The following FER1L6 variants were observed in gnomAD, a reference collection of about 807,000 sequenced individuals.
The protein encoded by FER1L6 is fer-1 like family member 6, also known as fer-1-like protein 6.
Under a neutral mutation model 219.2 loss-of-function variants are expected in FER1L6, and 177 were observed. That is an observed-to-expected ratio of 0.81 (90% CI 0.71 to 0.91). The LOEUF (loss-of-function observed/expected upper bound fraction) is 0.91. Among genes scored for constraint, FER1L6 ranks in the 40% least tolerant of loss-of-function variants. The pLI, the probability that FER1L6 is intolerant of heterozygous loss-of-function variation, is 0.00. For synonymous variants in FER1L6, 768 were observed against 824.3 expected, an observed-to-expected ratio of 0.93 and a Z score of 1.17; for missense variants, 2,153 against 2,259.9, an observed-to-expected ratio of 0.95 and a Z score of 0.96.
intron 24 of FER1L6, among the ~76,000 whole-genome samples, chr8:124,061,185 A>C (rs1820550904): frequency 6.6e-6 from 1 of 152,224 alleles, no homozygotes; most frequent in Non-Finnish European, 1.5e-5. Context: ...TGTACTTAGA[A>C]TGTCAGGAGT....
At position 124,064,436 on chromosome 8, in the gene FER1L6, G is replaced by A. The variant is rs768766486; in HGVS notation, c.3418G>A (p.Glu1140Lys). 5.6e-6 allele frequency: 9 copies of A among 1,613,944 alleles called. No individual in the cohort carries two copies. The highest frequency in any genetic ancestry group is 1.7e-4 in the Middle Eastern group (1 of 6,060). Residue 1140 changes from glutamate to lysine, a missense_variant, in exon 26 of 41, where the codon GAG becomes AAG. Transcript: ENST00000522917. ...PPADHIYVDVEPPPTVVPDSA... is the reference protein window; with the variant it reads ...PPADHIYVDVKPPPTVVPDSA... ...AGCAGATCACATTTATGTGGATGTT[G>A]AGCCACCTCCCACAGTGGTGCCCGA... is the stretch of plus-strand genomic sequence containing the variant.
At chr8:123,912,137 C>T (rs889186653) in intron 1 of FER1L6, among the ~76,000 whole-genome samples, 1 of 152,138 alleles carries the variant, frequency 6.6e-6, no homozygotes, top group Admixed American at 6.5e-5. Flanking sequence ...AGTATGCTCA[C>T]AGCAGCCAGC....
At chr8:123,872,168 G>A (rs1816934996) in intron 1 of FER1L6, among the ~76,000 whole-genome samples, 1 of 152,128 alleles carries the variant, frequency 6.6e-6, no homozygotes, top group African/African-American at 2.4e-5. Context: ...ACTATCATGA[G>A]GACAGTACCA....
Position 123,925,157 on chromosome 8 carries a change from A to G in FER1L6, c.-7-30835A>G, listed in dbSNP as rs191507103. Among the ~76,000 whole-genome samples, 131 of 152,338 alleles carry G rather than the reference A, an allele frequency of 8.6e-4. 1 individual carries two copies. Among genetic ancestry groups the G allele is most frequent in the South Asian group, 1.9e-3 (9 of 4,822 alleles). ...ATGGACACTGAAAACAGTGGCTTCA[A>G]TAGATAGAAATGGACTTCTCTCTCA... On this transcript the variant is annotated intron_variant, in intron 1 of 40. Transcript: ENST00000522917.
At chr8:124,000,618 T>G (rs1228665790) in intron 12 of FER1L6, among the ~76,000 whole-genome samples, 1 of 152,114 alleles carries the variant, frequency 6.6e-6, no homozygotes, top group South Asian at 2.1e-4. Context: ...CCTCATAGAG[T>G]TGCAAAGTTT....
chr8:124,048,364 A>G (rs1819829759), intron 21 of FER1L6, among the ~76,000 whole-genome samples: 2 of 152,250 alleles, frequency 1.3e-5, no homozygotes, highest in African/African-American at 4.8e-5. Context: ...CACAGCAGTG[A>G]ATAGTGCAGG....
Position 124,067,799 on chromosome 8 carries a change from C to A in FER1L6, c.3711C>A (p.Gly1237=), listed in dbSNP as rs1820888425. ...AGAGAAATCCCAAGGGAAAAAAAGG[C>A]AATACAGGTAAGCAGTTATTCTGGG... ...AKERNPKGKK[G]NTEAKPDEVV... The change falls in exon 28 of 41, where the codon GGC becomes GGA. Residue 1237 remains glycine, a synonymous_variant. Coordinates refer to ENST00000522917, the MANE Select transcript of FER1L6 (RefSeq NM_001039112.2). 2 of 1,612,078 alleles carry A rather than the reference C, an allele frequency of 1.2e-6. No homozygotes were observed. Among genetic ancestry groups the A allele is most frequent in the Non-Finnish European group, 1.7e-6 (2 of 1,178,398 alleles).
chr8:124,022,319 T>C lies in FER1L6; in HGVS notation c.2133+650T>C, dbSNP rs117196741. Among the ~76,000 whole-genome samples, 1,130 of 152,358 alleles carry C rather than the reference T, an allele frequency of 7.4e-3. 15 individuals carry two copies. The highest frequency in any genetic ancestry group is 0.011 in the Non-Finnish European group (735 of 68,044). On this transcript the variant is annotated intron_variant, in intron 17 of 40. Coordinates refer to ENST00000522917, the MANE Select transcript of FER1L6 (RefSeq NM_001039112.2). The stretch of plus-strand genomic sequence containing the variant: ...CAGAAGAGAGAAGGGATGTCCTCTT[T>C]GGGGATTAGTTTTACCTGATCACTA...
intron 18 of FER1L6, among the ~76,000 whole-genome samples, chr8:124,030,101 T>C (rs963914552): frequency 2.6e-5 from 4 of 152,218 alleles, no homozygotes; most frequent in African/African-American, 9.7e-5. Flanking sequence ...TTCTGAGGTC[T>C]CTATTCTGTT....
At chr8:124,118,068 C>G (rs193247041) in intron 39 of FER1L6, among the ~76,000 whole-genome samples, 2 of 152,124 alleles carry the variant, frequency 1.3e-5, no homozygotes, top group Admixed American at 6.5e-5. Context: ...TCCAGGAGAT[C>G]AGAAATTCTG....
chr8:124,094,264 C>T (rs1220740747), intron 34 of FER1L6, among the ~76,000 whole-genome samples: 3 of 152,108 alleles, frequency 2.0e-5, no homozygotes, highest in African/African-American at 4.8e-5. Context: ...AATGTACCCT[C>T]TCCAGTACCT....
At position 124,007,859 on chromosome 8, in the gene FER1L6, C is replaced by T. The variant is rs575739499; in HGVS notation, c.1701-2735C>T. On this transcript the variant is annotated intron_variant, in intron 13 of 40. Transcript: ENST00000522917. The stretch of plus-strand genomic sequence containing the variant: ...GTTTAGTTTGGGACACAGGCCTTTA[C>T]CCTCATTGATAGTATGATTATTTTT... 3.9e-5 allele frequency among the ~76,000 whole-genome samples: 6 copies of T among 152,168 alleles called. No individual in the cohort carries two copies. In the East Asian group the frequency reaches 1.2e-3, roughly 29 times the overall value.
chr8:123,982,584 T>G (rs916101536), intron 11 of FER1L6, among the ~76,000 whole-genome samples: 7 of 152,320 alleles, frequency 4.6e-5, no homozygotes, highest in Admixed American at 4.6e-4. Flanking sequence ...TTATTAGTTA[T>G]CTATGGCTGC....
At chr8:124,114,812 ATATG>A (rs556190118) in intron 39 of FER1L6, among the ~76,000 whole-genome samples, 162 of 150,586 alleles carry the variant, frequency 1.1e-3, no homozygotes, top group East Asian at 7.6e-3. Context: ...ATGATCTTAT[ATATG>A]TATGTACATG....
At position 124,086,511 on chromosome 8, in the gene FER1L6, T is replaced by C. The variant is rs368361794; in HGVS notation, c.4391+4053T>C. Among the ~76,000 whole-genome samples the C allele has an allele frequency of 4.3e-4, 65 of 152,294 alleles. 1 individual carries two copies. The South Asian group carries it at 0.013, about 31-fold the overall frequency. ...TATTTTCACTTCATCTCCCTGCTTT[T>C]TAACTTTCTGTTGTTTCTACTTATA... is the stretch of plus-strand genomic sequence containing the variant. On this transcript the variant is annotated intron_variant, in intron 33 of 40. Transcript: ENST00000522917.
chr8:124,069,163 C>G (rs187672268), intron 28 of FER1L6, among the ~76,000 whole-genome samples, 197 bp from the exon 29 acceptor site: 2,124 of 152,212 alleles, frequency 0.014, 52 homozygotes, highest in African/African-American at 0.048. Context: ...GTCTCGATCT[C>G]CTGACCTTGT....
chr8:123,886,516 GAT>G (rs1817206047), intron 1 of FER1L6, among the ~76,000 whole-genome samples: 1 of 152,182 alleles, frequency 6.6e-6, no homozygotes, highest in Non-Finnish European at 1.5e-5. Context: ...AAGCTGAGTA[GAT>G]ACCAGCCTTA....
intron 1 of FER1L6, among the ~76,000 whole-genome samples, chr8:123,869,593 A>G (rs1816893174): frequency 1.3e-5 from 2 of 152,226 alleles, no homozygotes; most frequent in Non-Finnish European, 1.5e-5. Flanking sequence ...GGACAACTCA[A>G]CATTGTTAAG....
At position 123,890,998 on chromosome 8, in the gene FER1L6, T is replaced by G. The variant is rs146355304; in HGVS notation, c.-8+38813T>G. ...ACAAAGTTTTAATGTTCAGGAAAGA[T>G]TCACCTTGCCCTTAAGGAAATTATA... On this transcript the variant is annotated intron_variant, in intron 1 of 40. Transcript: ENST00000522917. Among the ~76,000 whole-genome samples, 869 of 152,250 alleles carry G rather than the reference T, an allele frequency of 5.7e-3. 8 individuals carry two copies. Among genetic ancestry groups the G allele is most frequent in the Non-Finnish European group, 0.01 (684 of 67,978 alleles).
Sources: allele counts gnomAD v4.1 joint callset (sites outside exome capture counted in the v4.1 genomes callset), GRCh38; gene constraint gnomAD v4.1.1; transcripts MANE v1.5; gene names NCBI Gene and HGNC (gene_info 2026-07-23, HGNC 2026-07-21).